The following NEBL variants were observed in gnomAD, a reference collection of about 807,000 sequenced individuals.
NEBL encodes LIM and SH3 protein 2.
Under a neutral mutation model 140.2 loss-of-function variants are expected in NEBL, and 122 were observed. The ratio of observed to expected loss-of-function variants is 0.87; its 90% confidence interval spans 0.75 to 1.01. NEBL has a LOEUF of 1.01. Among genes scored for constraint, NEBL ranks in the 50% least tolerant of loss-of-function variants. The pLI, the probability that NEBL is intolerant of heterozygous loss-of-function variation, is 0.00. For synonymous variants in NEBL, 436 were observed against 398.9 expected (o/e 1.09, Z -1.11); for missense variants, 1,365 against 1,231.3 (o/e 1.11, Z -1.62).
In NEBL at chr10:21,115,715, A is replaced by T. The variant is rs534325318; in HGVS notation, c.164+56668T>A. On this transcript the variant is annotated intron_variant, in intron 2 of 6. Transcript: ENST00000417816. ...TTTCACTTTCTTCTAACTGGAGCTT[A>T]TTGAAATTTTGGGTCTGTGGGATGA... is the stretch of plus-strand genomic sequence containing the variant. Among the ~76,000 whole-genome samples, 3 of 152,060 alleles carry T rather than the reference A, an allele frequency of 2.0e-5. No individual in the cohort carries two copies. The South Asian group carries it at 6.2e-4, about 32-fold the overall frequency.
chr10:20,798,109 A>C (rs1399306358), intron 26 of NEBL, among the ~76,000 whole-genome samples: 6 of 104,810 alleles, frequency 5.7e-5, no homozygotes, highest in African/African-American at 2.3e-4. Flanking sequence ...GTTTCTAATT[A>C]CAAAAAAAAA....
At chr10:21,082,534 C>CAAAAAAAAA (rs1360732942) in intron 2 of NEBL, among the ~76,000 whole-genome samples, 1 of 43,348 alleles carries the variant, frequency 2.3e-5, no homozygotes, top group African/African-American at 1.5e-4. Flanking sequence ...CCCACCACCA[C>CAAAAAAAAA]TAAAAAAAAA....
chr10:20,809,977 A>G lies in NEBL; in HGVS notation c.2519-79T>C, dbSNP rs748261787. The stretch of plus-strand genomic sequence containing the variant: ...AAAAAAAAAAAAAAAGCCAGTACCC[A>G]AAAGAGTCAAGACAAAGTCTGCAAA... On this transcript the variant is annotated intron_variant, in intron 24 of 27. Transcript: ENST00000377122. The G allele has an allele frequency of 9.7e-6, 10 of 1,030,034 alleles. No homozygotes were observed. The African/African-American group carries it at 1.6e-4, about 17-fold the overall frequency. 63.8% of individuals were successfully genotyped at this position (1,030,034 alleles called of 1,614,324 possible). A position where few individuals can be genotyped will look rare whatever the true frequency, so the allele number is the denominator to read the frequency against.
chr10:20,989,264 A>G (rs114095315), intron 3 of NEBL, among the ~76,000 whole-genome samples: 1,715 of 152,108 alleles, frequency 0.011, 31 homozygotes, highest in African/African-American at 0.04. Flanking sequence ...GTTTAAAAAC[A>G]TATTTAATCC....
intron 3 of NEBL, among the ~76,000 whole-genome samples, chr10:21,232,128 G>GT (rs200547382): frequency 1.1e-4 from 16 of 151,198 alleles, no homozygotes; most frequent in African/African-American, 1.9e-4. Context: ...CAGGGTTGTT[G>GT]TTTTTTTTTC....
At chr10:21,229,941 G>A (rs1175928005) in intron 3 of NEBL, among the ~76,000 whole-genome samples, 3 of 152,170 alleles carry the variant, frequency 2.0e-5, no homozygotes, top group South Asian at 4.1e-4. Flanking sequence ...TGCCTAGCTC[G>A]GTGCCCTGCA....
intron 2 of NEBL, among the ~76,000 whole-genome samples, chr10:21,067,502 A>G (rs1835619487): frequency 6.6e-6 from 1 of 152,206 alleles, no homozygotes; most frequent in African/African-American, 2.4e-5. Context: ...CAAGAAGGGA[A>G]CAAGTAAGAG....
chr10:20,840,904 G>T, intron 12 of NEBL, 55 bp from the exon 13 acceptor site: 1 of 994,444 alleles, frequency 1.0e-6, no homozygotes, highest in Non-Finnish European at 1.6e-6. Context: ...TTTATTCAGT[G>T]TGCTATTCTA....
At chr10:21,154,967 G>T (rs527988526) in intron 2 of NEBL, among the ~76,000 whole-genome samples, 4 of 152,278 alleles carry the variant, frequency 2.6e-5, no homozygotes, top group Non-Finnish European at 5.9e-5. Flanking sequence ...TTGGGAGGCC[G>T]AGGCGGGTGG....
At position 20,841,966 on chromosome 10, in the gene NEBL, T is replaced by G. The variant is rs188200025; in HGVS notation, c.1228-1117A>C. Among the ~76,000 whole-genome samples, 6 of 152,266 alleles carry G rather than the reference T, an allele frequency of 3.9e-5. No homozygotes were observed. The East Asian group carries it at 1.2e-3, about 29-fold the overall frequency. Reference sequence around the variant, plus strand: ...CTATGAATACTTACATACAACTTATTTTTCTCTGCTAATGAGTTGCTTGTT... The same window carrying G: ...CTATGAATACTTACATACAACTTATGTTTCTCTGCTAATGAGTTGCTTGTT... On this transcript the variant is annotated intron_variant, in intron 12 of 27. Coordinates refer to ENST00000377122, the MANE Select transcript of NEBL (RefSeq NM_006393.3).
intron 2 of NEBL, among the ~76,000 whole-genome samples, chr10:21,070,793 C>T (rs1835781992): frequency 1.3e-5 from 2 of 152,116 alleles, no homozygotes; most frequent in Admixed American, 6.5e-5. Context: ...ATTGAGGTGG[C>T]AATGAAAATC....
chr10:20,860,418 A>G (rs369330878), intron 7 of NEBL, among the ~76,000 whole-genome samples: 17 of 152,014 alleles, frequency 1.1e-4, no homozygotes, highest in African/African-American at 3.9e-4. Context: ...CTCTCTCTAA[A>G]TTGTTTGTCT....
At chr10:21,022,599 C>T (rs994887773) in intron 2 of NEBL, among the ~76,000 whole-genome samples, 4 of 152,188 alleles carry the variant, frequency 2.6e-5, no homozygotes, top group Non-Finnish European at 4.4e-5. Flanking sequence ...TAATTAACAT[C>T]CTTCAAAACC....
intron 3 of NEBL, among the ~76,000 whole-genome samples, chr10:20,988,286 C>T (rs971359570): frequency 1.3e-5 from 2 of 152,164 alleles, no homozygotes; most frequent in Non-Finnish European, 2.9e-5. Flanking sequence ...CCATGACTTT[C>T]CCATTCCTCA....
intron 3 of NEBL, among the ~76,000 whole-genome samples, chr10:21,011,838 G>C (rs544887144): frequency 6.6e-6 from 1 of 152,272 alleles, no homozygotes; most frequent in African/African-American, 2.4e-5. Context: ...GGGCCACACT[G>C]TTCCTGCAAT....
At chr10:20,973,485 A>G (rs1279854071) in intron 3 of NEBL, among the ~76,000 whole-genome samples, 1 of 152,122 alleles carries the variant, frequency 6.6e-6, no homozygotes, top group Admixed American at 6.5e-5. Flanking sequence ...CCGGGCCTCA[A>G]GTGATCCTCC....
intron 3 of NEBL, among the ~76,000 whole-genome samples, chr10:20,995,630 T>A (rs1837637978): frequency 6.6e-6 from 1 of 152,142 alleles, no homozygotes. Context: ...ACTCCCAACT[T>A]CACTGCTCTA....
chr10:21,265,508 G>A (rs942576306), intron 1 of NEBL, among the ~76,000 whole-genome samples: 5 of 152,154 alleles, frequency 3.3e-5, no homozygotes, highest in Non-Finnish European at 7.3e-5. Flanking sequence ...TCTGATTGCT[G>A]TGTGACTGTA....
At chr10:20,858,571 T>C (rs146898370) in intron 8 of NEBL, among the ~76,000 whole-genome samples, 1 of 152,288 alleles carries the variant, frequency 6.6e-6, no homozygotes, top group East Asian at 1.9e-4. Context: ...TGTTCACATA[T>C]TCAGGAAGGG....
Sources: gnomAD v4.1 joint callset for allele counts (sites outside exome capture counted in the v4.1 genomes callset) on GRCh38, gnomAD v4.1.1 for gene constraint, MANE v1.5 for transcripts, NCBI Gene and HGNC (gene_info 2026-07-23, HGNC 2026-07-21) for gene names.